Variants in PAPOLA observed in about 807,000 individuals in gnomAD.
The protein encoded by PAPOLA is polynucleotide adenylyltransferase alpha.
Under a neutral mutation model 100.6 loss-of-function variants are expected in PAPOLA, and 15 were observed. The ratio of observed to expected loss-of-function variants is 0.15; its 90% CI spans 0.10 to 0.23. PAPOLA has a LOEUF of 0.23. Ranked by LOEUF, PAPOLA falls within the 10% of genes least tolerant of loss-of-function variation. PAPOLA has a pLI of 1.00. For missense variants in PAPOLA, 533 were observed against 884.2 expected, an observed-to-expected ratio of 0.60 and a Z score of 5.04; for synonymous variants, 293 against 300.0, an observed-to-expected ratio of 0.98 and a Z score of 0.24.
chr14:96,539,587 CTA>C (rs561008319), intron 12 of PAPOLA, among the ~76,000 whole-genome samples: 28 of 151,870 alleles, frequency 1.8e-4, no homozygotes, highest in African/African-American at 4.1e-4. Flanking sequence ...TTATTGGAAA[CTA>C]TATATTTTTA....
intron 11 of PAPOLA, 40 bp downstream of exon 11, chr14:96,536,039 AT>A: frequency 6.7e-7 from 1 of 1,485,758 alleles, no homozygotes; most frequent in Non-Finnish European, 9.0e-7. Flanking sequence ...TACAGGAAGG[AT>A]TTACGTACCA....
intron 9 of PAPOLA, 135 bp from the exon 10 acceptor site, chr14:96,534,356 A>C: frequency 6.9e-7 from 1 of 1,458,662 alleles, no homozygotes; most frequent in Non-Finnish European, 9.0e-7. Flanking sequence ...TGTCGTCAGA[A>C]AGGATTAAAA....
rs575693633 is a variant in PAPOLA at position 96,534,385 on chromosome 14, G to A, written c.837-106G>A. On this transcript the variant is annotated intron_variant, in intron 9 of 21. Transcript: ENST00000216277. The stretch of plus-strand genomic sequence containing the variant: ...ATTAAAACGTTGTATGTACCAAGAA[G>A]GCAGAATGAAGAAGGATCACGTTCA... 2.8e-5 allele frequency: 43 copies of A among 1,531,760 alleles called. No individual in the cohort carries two copies. The South Asian group carries it at 5.5e-4, about 20-fold the overall frequency. 94.9% of individuals were successfully genotyped at this position (1,531,760 alleles called of 1,614,324 possible).
rs181977445 is a variant in PAPOLA at position 96,508,503 on chromosome 14, C to G, written c.8+5903C>G. Among the ~76,000 whole-genome samples, 343 of 152,290 alleles carry G rather than the reference C, an allele frequency of 2.3e-3. 2 individuals are homozygous for G. Among genetic ancestry groups the G allele is most frequent in the African/African-American group, 7.9e-3 (327 of 41,562 alleles). On this transcript the variant is annotated intron_variant, in intron 1 of 21. Transcript: ENST00000216277. ...AGTAAATTTATGAGCCTACTCAGTT[C>G]CTATCCCTGATTGTTTTCCTCACCT... is the stretch of plus-strand genomic sequence containing the variant.
intron 1 of PAPOLA, among the ~76,000 whole-genome samples, chr14:96,503,712 G>C (rs760224195): frequency 6.6e-6 from 1 of 151,724 alleles, no homozygotes; most frequent in African/African-American, 2.4e-5. Context: ...GATTTTTGTG[G>C]TTTCTAGACA....
At chr14:96,510,474 C>A (rs1048428827) in intron 1 of PAPOLA, among the ~76,000 whole-genome samples, 5 of 149,680 alleles carry the variant, frequency 3.3e-5, no homozygotes, top group Admixed American at 2.7e-4. Flanking sequence ...GGACACAACA[C>A]ACACGCGCGC....
chr14:96,539,738 G>A (rs1033300248), intron 12 of PAPOLA, among the ~76,000 whole-genome samples: 3 of 152,094 alleles, frequency 2.0e-5, no homozygotes, highest in African/African-American at 7.2e-5. Flanking sequence ...TCAACAAAAT[G>A]TCTAATTTAG....
rs556493236 is a variant in PAPOLA, at chr14:96,517,666, A to G, written c.9-2389A>G. The stretch of plus-strand genomic sequence containing the variant: ...AGGAGATGCTACATATGATTGGAAA[A>G]CAGAACATTTTTATTTTGTCTTCAG... On this transcript the variant is annotated intron_variant, in intron 1 of 21. Coordinates refer to ENST00000216277, the MANE Select transcript of PAPOLA (RefSeq NM_032632.5). Among the ~76,000 whole-genome samples, 4 of 151,830 alleles carry G rather than the reference A, an allele frequency of 2.6e-5. No individual in the cohort carries two copies. The South Asian group carries it at 8.3e-4, about 32-fold the overall frequency.
intron 14 of PAPOLA, among the ~76,000 whole-genome samples, chr14:96,543,222 G>T (rs1414383796): frequency 6.6e-6 from 1 of 151,882 alleles, no homozygotes; most frequent in Non-Finnish European, 1.5e-5. Flanking sequence ...TTGTACAATA[G>T]TTGTCAGAAT....
intron 6 of PAPOLA, among the ~76,000 whole-genome samples, chr14:96,530,449 C>CA (rs1739060967): frequency 6.7e-6 from 1 of 149,508 alleles, no homozygotes; most frequent in South Asian, 2.1e-4. Context: ...GGCAGTGTTG[C>CA]AATCACAGTT....
At chr14:96,519,406 C>T (rs929488294) in intron 1 of PAPOLA, among the ~76,000 whole-genome samples, 1 of 151,990 alleles carries the variant, frequency 6.6e-6, no homozygotes, top group Non-Finnish European at 1.5e-5. Context: ...AGATTTATTT[C>T]CTAAGCATTT....
chr14:96,562,536 G>T, intron 20 of PAPOLA: 6 of 205,796 alleles, frequency 2.9e-5, no homozygotes, highest in Non-Finnish European at 2.9e-5. Context: ...TTTAATTATT[G>T]TTTGCTTAAA....
At chr14:96,531,437 T>C in intron 6 of PAPOLA, 38 bp from the exon 7 acceptor site, 2 of 1,485,762 alleles carry the variant, frequency 1.3e-6, no homozygotes, top group Non-Finnish European at 1.8e-6. Flanking sequence ...TTAAAAGTAG[T>C]TTGACAGATA....
intron 6 of PAPOLA, among the ~76,000 whole-genome samples, chr14:96,529,304 G>A (rs534408920): frequency 7.9e-5 from 12 of 151,942 alleles, no homozygotes; most frequent in Non-Finnish European, 1.3e-4. Context: ...TTTGAAATCT[G>A]TTCTTTTTCA....
intron 19 of PAPOLA, 109 bp downstream of exon 19, chr14:96,556,522 A>C (rs1421781717): frequency 1.3e-6 from 1 of 769,960 alleles, no homozygotes; most frequent in Non-Finnish European, 2.2e-6. Context: ...TCAAGGAACA[A>C]AGCTTTTAGA....
At chr14:96,532,811 A>T in intron 9 of PAPOLA, 162 bp downstream of exon 9, 1 of 1,341,764 alleles carries the variant, frequency 7.5e-7, no homozygotes, top group South Asian at 2.2e-5. Flanking sequence ...TGGCAAACTG[A>T]AACTATTTTT....
At chr14:96,542,602 A>G in intron 13 of PAPOLA, 172 bp from the exon 14 acceptor site, 3 of 603,118 alleles carry the variant, frequency 5.0e-6, no homozygotes, top group East Asian at 6.1e-5. Flanking sequence ...GTGTGAATGG[A>G]GTGTTTCTTG....
chr14:96,510,554 A>T (rs1488355068), intron 1 of PAPOLA, among the ~76,000 whole-genome samples: 1 of 152,198 alleles, frequency 6.6e-6, no homozygotes, highest in African/African-American at 2.4e-5. Context: ...TGGCCATTGT[A>T]GTAATTGAAC....
At chr14:96,525,102 C>G (rs1898351517) in intron 3 of PAPOLA, among the ~76,000 whole-genome samples, 1 of 152,058 alleles carries the variant, frequency 6.6e-6, no homozygotes, top group African/African-American at 2.4e-5. Context: ...AAGAATAAAC[C>G]TCTTTAAAAG....
Sources: gnomAD v4.1 joint callset for allele counts (sites outside exome capture counted in the v4.1 genomes callset) on GRCh38, gnomAD v4.1.1 for gene constraint, MANE v1.5 for transcripts, NCBI Gene and HGNC (gene_info 2026-07-23, HGNC 2026-07-21) for gene names.